The following POGK variants were observed in gnomAD, a reference collection of about 807,000 sequenced individuals.
POGK encodes pogo transposable element derived with KRAB domain.
Under a neutral mutation model 54.4 loss-of-function variants are expected in POGK, and 16 were observed. The ratio of observed to expected loss-of-function variants is 0.29; its 90% CI spans 0.20 to 0.45. The LOEUF (loss-of-function observed/expected upper bound fraction) is 0.45, where lower values mean the gene tolerates loss of function less well. POGK is among the 20% of genes least tolerant of loss of function. POGK has a pLI of 1.00. For missense variants in POGK, 515 were observed against 795.6 expected (o/e 0.65, Z 4.24); for synonymous variants, 271 against 302.2 (o/e 0.90, Z 1.07).
Position 166,847,593 on chromosome 1 carries a change from G to T in POGK, c.358+1G>T. Reference sequence around the variant, plus strand: ...CAGCTCCAAGGAGGCACCTCTGCAGGTACTACAAGTAAAGCAGTTCAGCGT... The same window carrying T: ...CAGCTCCAAGGAGGCACCTCTGCAGTTACTACAAGTAAAGCAGTTCAGCGT... On this transcript the variant is annotated splice_donor_variant, in intron 4 of 5. Coordinates refer to ENST00000367876, the MANE Select transcript of POGK (RefSeq NM_017542.5). LOFTEE classifies it high-confidence loss of function. 6.2e-7 allele frequency: 1 copy of T among 1,609,902 alleles called. No individual in the cohort carries two copies. The highest frequency in any genetic ancestry group is 8.5e-7 in the Non-Finnish European group (1 of 1,176,448).
chr1:166,841,161 T>G (rs1657493320), intron 2 of POGK, 73 bp downstream of exon 2: 2 of 1,573,068 alleles, frequency 1.3e-6, no homozygotes, highest in Non-Finnish European at 1.7e-6. Context: ...TTAAGTCTCC[T>G]CCTCAGACAG....
intron 4 of POGK, among the ~76,000 whole-genome samples, chr1:166,848,437 T>C (rs1220717303): frequency 2.0e-5 from 3 of 152,280 alleles, no homozygotes; most frequent in Non-Finnish European, 4.4e-5. Flanking sequence ...TTCTGCCTTA[T>C]AAGCTTAACT....
intron 3 of POGK, among the ~76,000 whole-genome samples, chr1:166,847,166 G>A (rs150855044): frequency 2.0e-5 from 3 of 152,290 alleles, no homozygotes; most frequent in Admixed American, 2.0e-4. Context: ...CTTATCAGCA[G>A]AATGTAATCA....
intron 2 of POGK, among the ~76,000 whole-genome samples, chr1:166,843,450 C>G (rs1657620336): frequency 6.6e-6 from 1 of 152,226 alleles, no homozygotes; most frequent in South Asian, 2.1e-4. Context: ...GCTAAGAAAG[C>G]AAAGCTTTGG....
intron 1 of POGK, chr1:166,840,248 T>G (rs914664337): frequency 1.3e-5 from 2 of 152,246 alleles, no homozygotes; most frequent in African/African-American, 4.8e-5. Context: ...AGTCAGCGAA[T>G]AGAGAATTTG....
chr1:166,845,313 G>A (rs533620635), intron 2 of POGK, among the ~76,000 whole-genome samples: 1 of 148,590 alleles, frequency 6.7e-6, no homozygotes, highest in South Asian at 2.1e-4. Flanking sequence ...AGCCAAGATC[G>A]TGCCACTGCA....
intron 5 of POGK, chr1:166,850,773 A>C: frequency 5.7e-6 from 1 of 175,422 alleles, no homozygotes; most frequent in Non-Finnish European, 1.2e-5. Flanking sequence ...CTGAGGCGGA[A>C]CAGTTTCATC....
chr1:166,847,448 A>C (rs1269459447), intron 3 of POGK, 46 bp from the exon 4 acceptor site: 9 of 1,478,338 alleles, frequency 6.1e-6, no homozygotes, highest in Non-Finnish European at 8.5e-6. Flanking sequence ...GTAGTGCTCC[A>C]GGACAGTAAC....
chr1:166,844,505 CTCA>C (rs911852863), intron 2 of POGK, among the ~76,000 whole-genome samples: 5 of 152,128 alleles, frequency 3.3e-5, no homozygotes, highest in Non-Finnish European at 5.9e-5. Context: ...ATTTTACCTC[CTCA>C]TATTTCACAC....
At chr1:166,848,841 A>G in intron 4 of POGK, 97 bp from the exon 5 acceptor site, 2 of 1,442,896 alleles carry the variant, frequency 1.4e-6, no homozygotes, top group Admixed American at 4.6e-5. Context: ...GGTGAACTTC[A>G]GATTAAGGTA....
At position 166,855,186 on chromosome 1, in the gene POGK, A is replaced by G. The variant is rs1332193621; in HGVS notation, c.*2616A>G. ...ATTCAGAACAACAAAAGAACATGCT[A>G]AGCGAGTCCTCCCACCTGCCTGGTA... On this transcript the variant is annotated 3_prime_UTR_variant, in exon 6 of 6. Coordinates refer to ENST00000367876, the MANE Select transcript of POGK (RefSeq NM_017542.5). 1.3e-5 allele frequency: 2 copies of G among 152,200 alleles called. No individual in the cohort carries two copies. Among genetic ancestry groups the G allele is most frequent in the African/African-American group, 4.8e-5 (2 of 41,448 alleles). 9.4% of individuals were successfully genotyped at this position (152,200 alleles called of 1,614,324 possible). A position where few individuals can be genotyped will look rare whatever the true frequency, so the allele number is the denominator to read the frequency against.
chr1:166,850,675 C>T (rs907982635), intron 5 of POGK: 14 of 401,420 alleles, frequency 3.5e-5, no homozygotes, highest in African/African-American at 1.0e-4. Context: ...GTCACAGCAG[C>T]GGCATTAGAT....
intron 2 of POGK, among the ~76,000 whole-genome samples, chr1:166,842,281 G>T (rs1657549271): frequency 6.6e-6 from 1 of 152,240 alleles, no homozygotes; most frequent in Non-Finnish European, 1.5e-5. Flanking sequence ...GAAGGAGCAA[G>T]ATGAAGACCA....
Position 166,854,923 on chromosome 1 carries a change from G to A in POGK, c.*2353G>A, listed in dbSNP as rs1658223098. 6.6e-6 allele frequency: 1 copy of A among 150,736 alleles called. No homozygotes were observed. The highest frequency in any genetic ancestry group is 2.5e-5 in the African/African-American group (1 of 40,060). 9.3% of individuals were successfully genotyped at this position (150,736 alleles called of 1,614,324 possible). On this transcript the variant is annotated 3_prime_UTR_variant, in exon 6 of 6. Transcript: ENST00000367876. ...TTTCAACCCATCAGCATTAAATGCT[G>A]AGCCACTCTCCAAGTCTGACCCCTA...
At chr1:166,845,135 C>T (rs1226677039) in intron 2 of POGK, among the ~76,000 whole-genome samples, 3 of 151,940 alleles carry the variant, frequency 2.0e-5, no homozygotes, top group Admixed American at 6.6e-5. Context: ...GGCCCCAAAA[C>T]GCAACCCCAC....
intron 5 of POGK, chr1:166,851,243 T>C (rs1658051496): frequency 6.6e-6 from 1 of 152,204 alleles, no homozygotes; most frequent in African/African-American, 2.4e-5. Flanking sequence ...ACACTAAGTG[T>C]GTCCTCCGGG....
Position 166,850,086 on chromosome 1 carries a change from C to T in POGK, c.1507C>T (p.Leu503Phe). 6.2e-7 allele frequency: 1 copy of T among 1,612,958 alleles called. No individual in the cohort carries two copies. Among genetic ancestry groups the T allele is most frequent in the Non-Finnish European group, 8.5e-7 (1 of 1,179,486 alleles). ...CATCCCAGGGGGTCTGACCTCACAG[C>T]TTCAGGTGCTGGATGTCGTGGTCTA... ...VIIPGGLTSQLQVLDVVVYKP... is the reference protein window; with the variant it reads ...VIIPGGLTSQFQVLDVVVYKP... Residue 503 changes from leucine (L) to phenylalanine (F), a missense_variant, in exon 5 of 6, where the codon CTT (leucine) becomes TTT (phenylalanine). Leu to Phe is a conservative substitution (Grantham distance 22). Coordinates refer to ENST00000367876, the MANE Select transcript of POGK (RefSeq NM_017542.5).
At position 166,850,366 on chromosome 1, in the gene POGK, C is replaced by T. The variant is rs1281941932; in HGVS notation, c.1787C>T (p.Pro596Leu). 1.2e-6 allele frequency: 2 copies of T among 1,612,828 alleles called. No homozygotes were observed. Among genetic ancestry groups the T allele is most frequent in the African/African-American group, 2.7e-5 (2 of 74,894 alleles). ...AGTGAGTTGCCAGGAGGAGGAGAAC[C>T]ACCAAAAGATTGTGACACCGAAAGC... ...IESELPGGGEPPKDCDTESMA... is the reference protein window; with the variant it reads ...IESELPGGGELPKDCDTESMA... The change falls in exon 5 of 6, where the codon CCA becomes CTA. Residue 596 changes from proline (P) to leucine (L), a missense_variant. Around this residue, in one of 2 missense-constraint regions of POGK, gnomAD observed 461 missense variants for 743.5 expected, o/e 0.62. Transcript: ENST00000367876.
intron 2 of POGK, among the ~76,000 whole-genome samples, chr1:166,843,475 G>A (rs1657621719): frequency 6.6e-6 from 1 of 152,234 alleles, no homozygotes; most frequent in South Asian, 2.1e-4. Flanking sequence ...AGACTTTCTA[G>A]CTCTGTGACC....
Sources: gnomAD v4.1 joint callset for allele counts (sites outside exome capture counted in the v4.1 genomes callset) on GRCh38, gnomAD v4.1.1 for gene constraint, gnomAD v4.1.1 regional missense constraint, MANE v1.5 for transcripts, NCBI Gene and HGNC (gene_info 2026-07-23, HGNC 2026-07-21) for gene names.